SH3GL2: variants seen among roughly 807,000 people sequenced by gnomAD.
SH3GL2 encodes the protein SH3 domain containing GRB2 like 2, endophilin A1.
Under a neutral mutation model 46.0 loss-of-function variants are expected in SH3GL2, and 24 were observed. The observed-to-expected ratio is 0.52, with a 90% CI of 0.38 to 0.73. SH3GL2 has a LOEUF of 0.73. Ranked by LOEUF, SH3GL2 falls within the 30% of genes least tolerant of loss-of-function variation. The probability of loss-of-function intolerance (pLI) is 0.00; values close to 1 mark genes in which losing one functional copy is unlikely to be tolerated. For synonymous variants in SH3GL2, 196 were observed against 147.1 expected (o/e 1.33, Z -2.40); for missense variants, 413 against 424.2 (o/e 0.97, Z 0.23).
At chr9:17,613,540 A>G (rs111878168) in intron 1 of SH3GL2, among the ~76,000 whole-genome samples, 3,295 of 152,292 alleles carry the variant, frequency 0.022, 59 homozygotes, top group Non-Finnish European at 0.028. Flanking sequence ...GAGGAAGGTA[A>G]CATTCTTCCC....
chr9:17,762,336 A>G (rs929632080), intron 3 of SH3GL2, among the ~76,000 whole-genome samples: 1 of 149,802 alleles, frequency 6.7e-6, no homozygotes, highest in Non-Finnish European at 1.5e-5. Context: ...CCTAGAGAGG[A>G]TGGTGCAGAC....
intron 1 of SH3GL2, among the ~76,000 whole-genome samples, chr9:17,673,528 T>C (rs973397180): frequency 2.0e-5 from 3 of 152,064 alleles, no homozygotes; most frequent in Non-Finnish European, 4.4e-5. Context: ...TGATTTTCTT[T>C]AGAAACACAT....
intron 2 of SH3GL2, among the ~76,000 whole-genome samples, chr9:17,751,479 CGTGTGTGTGT>C (rs58212352): frequency 2.0e-5 from 3 of 146,364 alleles, no homozygotes; most frequent in Non-Finnish European, 3.0e-5. Context: ...TTTGTGTGTG[CGTGTGTGTGT>C]GTGTGTGTGT....
At chr9:17,724,085 G>T (rs1248480732) in intron 1 of SH3GL2, among the ~76,000 whole-genome samples, 1 of 151,818 alleles carries the variant, frequency 6.6e-6, no homozygotes, top group Non-Finnish European at 1.5e-5. Flanking sequence ...ACTTCTTTCT[G>T]TCTCTCATCT....
At position 17,616,007 on chromosome 9, in the gene SH3GL2, T is replaced by C. The variant is rs544782364; in HGVS notation, c.45+36720T>C. Among the ~76,000 whole-genome samples the C allele has an allele frequency of 2.6e-5, 4 of 152,308 alleles. No individual in the cohort carries two copies. The East Asian group carries it at 7.7e-4, about 29-fold the overall frequency. ...GACCCCAGAGAGATGTTTCTGGGAATTGAGATTCAGAGGCAGCCTGCATTC... is the reference window on the plus strand; with the variant it reads ...GACCCCAGAGAGATGTTTCTGGGAACTGAGATTCAGAGGCAGCCTGCATTC... On this transcript the variant is annotated intron_variant, in intron 1 of 8. Transcript: ENST00000380607.
At chr9:17,713,348 A>G (rs959171750) in intron 1 of SH3GL2, among the ~76,000 whole-genome samples, 32 of 151,482 alleles carry the variant, frequency 2.1e-4, no homozygotes, top group African/African-American at 7.5e-4. Context: ...CTCAAATAAC[A>G]TGCTTTTGGC....
At chr9:17,721,372 T>C (rs1821890201) in intron 1 of SH3GL2, among the ~76,000 whole-genome samples, 1 of 152,140 alleles carries the variant, frequency 6.6e-6, no homozygotes. Flanking sequence ...GAGATAGTTT[T>C]GATATATAAG....
At chr9:17,624,064 T>C (rs1194349551) in intron 1 of SH3GL2, among the ~76,000 whole-genome samples, 1 of 152,216 alleles carries the variant, frequency 6.6e-6, no homozygotes, top group African/African-American at 2.4e-5. Context: ...AGCCTTGGTT[T>C]ATCTCGTTTT....
chr9:17,581,388 A>G (rs1035940777), intron 1 of SH3GL2, among the ~76,000 whole-genome samples: 1 of 152,224 alleles, frequency 6.6e-6, no homozygotes, highest in African/African-American at 2.4e-5. Flanking sequence ...CTTTTACTGA[A>G]AAGCCTTTTA....
At chr9:17,678,965 G>A (rs1820689892) in intron 1 of SH3GL2, among the ~76,000 whole-genome samples, 1 of 152,052 alleles carries the variant, frequency 6.6e-6, no homozygotes, top group South Asian at 2.1e-4. Flanking sequence ...TATTTCTGAG[G>A]CCTCTGTTCT....
chr9:17,734,611 A>T (rs1305624699), intron 1 of SH3GL2, among the ~76,000 whole-genome samples: 2 of 152,204 alleles, frequency 1.3e-5, no homozygotes, highest in Non-Finnish European at 2.9e-5. Context: ...ATGAAATATT[A>T]TTCAGCCATA....
intron 1 of SH3GL2, among the ~76,000 whole-genome samples, chr9:17,627,224 C>T (rs1002322605): frequency 8.5e-5 from 13 of 152,170 alleles, no homozygotes; most frequent in South Asian, 2.1e-4. Flanking sequence ...ACCATCCTGT[C>T]CTGTTCCCTG....
intron 1 of SH3GL2, among the ~76,000 whole-genome samples, chr9:17,654,612 A>G (rs1189048578): frequency 6.6e-6 from 1 of 152,226 alleles, no homozygotes; most frequent in Non-Finnish European, 1.5e-5. Flanking sequence ...TCATCTATCT[A>G]TATCATGTCT....
chr9:17,611,963 C>T (rs1246689617), intron 1 of SH3GL2, among the ~76,000 whole-genome samples: 1 of 152,176 alleles, frequency 6.6e-6, no homozygotes, highest in Non-Finnish European at 1.5e-5. Context: ...TTGTGTGCAT[C>T]ATCTTCTTTC....
intron 2 of SH3GL2, among the ~76,000 whole-genome samples, chr9:17,749,659 GACTA>G (rs1822790172): frequency 6.6e-6 from 1 of 152,158 alleles, no homozygotes; most frequent in South Asian, 2.1e-4. Flanking sequence ...TCTTAAATGA[GACTA>G]AAAAGAACAG....
intron 1 of SH3GL2, among the ~76,000 whole-genome samples, chr9:17,734,352 A>T (rs1289120766): frequency 6.6e-6 from 1 of 152,120 alleles, no homozygotes; most frequent in African/African-American, 2.4e-5. Flanking sequence ...ACAAATATTG[A>T]TGCTCATAGA....
At chr9:17,612,344 C>A (rs947224582) in intron 1 of SH3GL2, among the ~76,000 whole-genome samples, 1 of 152,158 alleles carries the variant, frequency 6.6e-6, no homozygotes, top group African/African-American at 2.4e-5. Context: ...GTGGTACACT[C>A]TTTTTGTGTG....
At chr9:17,722,771 A>G (rs1461937542) in intron 1 of SH3GL2, among the ~76,000 whole-genome samples, 1 of 152,074 alleles carries the variant, frequency 6.6e-6, no homozygotes, top group African/African-American at 2.4e-5. Context: ...TTCTTCATAA[A>G]TTAGCCATTT....
In SH3GL2 at chr9:17,795,467, A is replaced by T. The variant is rs559857431; in HGVS notation, c.860-77A>T. The T allele has an allele frequency of 1.1e-4, 133 of 1,159,280 alleles. 1 individual carries two copies. Among genetic ancestry groups the T allele is most frequent in the Admixed American group, 2.7e-4 (14 of 51,808 alleles). 71.8% of individuals were successfully genotyped at this position (1,159,280 alleles called of 1,614,324 possible). On this transcript the variant is annotated intron_variant, in intron 8 of 8. Transcript: ENST00000380607. Reference sequence around the variant, plus strand: ...GGGGAGCAGCAAGCCAGGTGGGTACAGCAGGCAGCAGATTCTGTGAGTTAA... The same window carrying T: ...GGGGAGCAGCAAGCCAGGTGGGTACTGCAGGCAGCAGATTCTGTGAGTTAA...
Sources: allele counts gnomAD v4.1 joint callset (sites outside exome capture counted in the v4.1 genomes callset), GRCh38; gene constraint gnomAD v4.1.1; transcripts MANE v1.5; gene names NCBI Gene and HGNC (gene_info 2026-07-23, HGNC 2026-07-21).